PPARGC1A: variants seen among roughly 807,000 people sequenced by gnomAD.
The protein encoded by PPARGC1A is peroxisome proliferator-activated receptor gamma coactivator 1-alpha.
In PPARGC1A, 25 loss-of-function variants were observed where a neutral mutation model predicts 88.7. The observed-to-expected ratio is 0.28, with a 90% CI of 0.21 to 0.39. PPARGC1A has a LOEUF of 0.39. Ranked by LOEUF, PPARGC1A falls within the 10% of genes least tolerant of loss-of-function variation. The probability of loss-of-function intolerance (pLI) is 1.00; values close to 1 mark genes in which losing one functional copy is unlikely to be tolerated. For synonymous variants in PPARGC1A, 363 were observed against 355.6 expected (o/e 1.02, Z -0.24); for missense variants, 880 against 968.7 (o/e 0.91, Z 1.22).
the PPARGC1A span, among the ~76,000 whole-genome samples, chr4:23,926,517 A>G: frequency 6.6e-6 from 1 of 152,094 alleles, no homozygotes; most frequent in Non-Finnish European, 1.5e-5. Flanking sequence ...CAGCCCCTCA[A>G]CATTGACCTA....
chr4:23,923,818 C>T, the PPARGC1A span, among the ~76,000 whole-genome samples: 2 of 152,188 alleles, frequency 1.3e-5, no homozygotes, highest in South Asian at 2.1e-4. Flanking sequence ...TTCCAACTTC[C>T]TTTCCCTTAG....
At chr4:24,089,562 G>A in the PPARGC1A span, among the ~76,000 whole-genome samples, 5 of 146,928 alleles carry the variant, frequency 3.4e-5, no homozygotes, top group Admixed American at 6.8e-5. Flanking sequence ...CCAGGCTGGA[G>A]TGCAGTGGCG....
At position 23,813,136 on chromosome 4, in the gene PPARGC1A, G is replaced by A. The variant is rs771733438; in HGVS notation, c.1794-11C>T. ...TAGTAATAGCAGGATCTGCGCCAGA[G>A]GAGAAAAGCAAAAAGGGCATTTGCA... On this transcript the variant is annotated splice_polypyrimidine_tract_variant and intron_variant, in intron 8 of 12. Coordinates refer to ENST00000264867, the MANE Select transcript of PPARGC1A (RefSeq NM_013261.5). 1.1e-5 allele frequency: 18 copies of A among 1,612,544 alleles called. No homozygotes were observed. In the African/African-American group the frequency reaches 1.5e-4, roughly 13 times the overall value.
the PPARGC1A span, among the ~76,000 whole-genome samples, chr4:24,179,417 C>T: frequency 6.6e-6 from 1 of 152,166 alleles, no homozygotes; most frequent in Admixed American, 6.5e-5. Context: ...TTTGACCCAT[C>T]CAGTGTGTCA....
the PPARGC1A span, among the ~76,000 whole-genome samples, chr4:24,295,701 C>T: frequency 6.7e-6 from 1 of 149,622 alleles, no homozygotes; most frequent in African/African-American, 2.4e-5. Flanking sequence ...ATATACATTA[C>T]ATTATATACA....
Position 23,795,277 on chromosome 4 carries a change from C to T in PPARGC1A, c.*545G>A, listed in dbSNP as rs1374359027. 7.4e-6 allele frequency: 1 copy of T among 135,136 alleles called. No homozygotes were observed. The highest frequency in any genetic ancestry group is 1.6e-5 in the Non-Finnish European group (1 of 63,514). The allele number at this position is 135,136 out of a possible 1,614,324, so 8.4% of individuals were successfully genotyped here. On this transcript the variant is annotated 3_prime_UTR_variant, in exon 13 of 13. Coordinates refer to ENST00000264867, the MANE Select transcript of PPARGC1A (RefSeq NM_013261.5). Reference sequence around the variant, plus strand: ...GGTTGGTTGGTTGGTTGTTAGTTTTCTTTCCTTTTTAATTTATATATATAT... The same window carrying T: ...GGTTGGTTGGTTGGTTGTTAGTTTTTTTTCCTTTTTAATTTATATATATAT...
chr4:24,401,642 T>C, the PPARGC1A span, among the ~76,000 whole-genome samples: 2 of 152,216 alleles, frequency 1.3e-5, 1 homozygote, highest in Non-Finnish European at 2.9e-5. Context: ...AGATAAATTC[T>C]TAATATCCCA....
the PPARGC1A span, among the ~76,000 whole-genome samples, chr4:24,343,375 C>T: frequency 3.3e-5 from 5 of 152,290 alleles, no homozygotes; most frequent in East Asian, 1.9e-4. Flanking sequence ...GCCTTATAAA[C>T]GGCTTGAGTA....
At chr4:23,819,315 T>C (rs1395054235) in intron 7 of PPARGC1A, among the ~76,000 whole-genome samples, 2 of 152,196 alleles carry the variant, frequency 1.3e-5, no homozygotes, top group Non-Finnish European at 2.9e-5. Flanking sequence ...GTCCTCTGGC[T>C]GGCCACAGTC....
intron 2 of PPARGC1A, among the ~76,000 whole-genome samples, chr4:23,833,512 G>A (rs1340047849): frequency 6.6e-6 from 1 of 152,176 alleles, no homozygotes; most frequent in African/African-American, 2.4e-5. Flanking sequence ...ATCTAATGAA[G>A]CTAGCAGTAC....
chr4:23,865,328 TGAGGA>T (rs1441330933), intron 2 of PPARGC1A, among the ~76,000 whole-genome samples: 2 of 152,164 alleles, frequency 1.3e-5, no homozygotes, highest in African/African-American at 4.8e-5. Context: ...TCTCTGACAC[TGAGGA>T]GAAGCAGTAA....
chr4:24,342,470 T>C, the PPARGC1A span, among the ~76,000 whole-genome samples: 3 of 152,054 alleles, frequency 2.0e-5, no homozygotes, highest in African/African-American at 7.2e-5. Context: ...CCCTTATCTA[T>C]TACACTAACC....
the PPARGC1A span, among the ~76,000 whole-genome samples, chr4:24,353,387 T>TA: frequency 0.39 from 55,429 of 141,628 alleles, 10,696 homozygotes; most frequent in African/African-American, 0.42. Flanking sequence ...TCTGTGGGCT[T>TA]AAAAAAAAAA....
the PPARGC1A span, among the ~76,000 whole-genome samples, chr4:24,240,545 T>C: frequency 8.5e-5 from 13 of 152,246 alleles, no homozygotes; most frequent in Non-Finnish European, 1.3e-4. Context: ...CTACCAAAAA[T>C]TCACGCTGTT....
chr4:24,350,184 G>A, the PPARGC1A span, among the ~76,000 whole-genome samples: 2 of 152,146 alleles, frequency 1.3e-5, no homozygotes, highest in Non-Finnish European at 2.9e-5. Flanking sequence ...TCCTTCAGAG[G>A]GTCTGTGGGT....
the PPARGC1A span, among the ~76,000 whole-genome samples, chr4:24,145,726 G>A: frequency 6.6e-6 from 1 of 152,218 alleles, no homozygotes; most frequent in African/African-American, 2.4e-5. Context: ...GACAGCTAGA[G>A]ACAGCAGGAT....
chr4:24,341,848 G>A, the PPARGC1A span, among the ~76,000 whole-genome samples: 1 of 152,190 alleles, frequency 6.6e-6, no homozygotes, highest in East Asian at 1.9e-4. Context: ...CACAGAAGGT[G>A]CTCACTAAAT....
At chr4:23,859,821 A>G (rs374987632) in intron 2 of PPARGC1A, among the ~76,000 whole-genome samples, 141 of 125,360 alleles carry the variant, frequency 1.1e-3, no homozygotes, top group South Asian at 4.7e-3. Flanking sequence ...AAAATAAAAT[A>G]AAATAAAATA....
chr4:24,458,204 C>G, the PPARGC1A span, among the ~76,000 whole-genome samples: 24 of 152,186 alleles, frequency 1.6e-4, no homozygotes, highest in African/African-American at 5.5e-4. Context: ...TTCAAATGCA[C>G]AAAGAAAATA....
Sources: allele counts gnomAD v4.1 joint callset (sites outside exome capture counted in the v4.1 genomes callset), GRCh38; gene constraint gnomAD v4.1.1; transcripts MANE v1.5; gene names NCBI Gene and HGNC (gene_info 2026-07-23, HGNC 2026-07-21).